RBMS3: variants seen among roughly 807,000 people sequenced by gnomAD.
RBMS3 encodes the protein RNA-binding motif, single-stranded-interacting protein 3.
Under a neutral mutation model 66.8 loss-of-function variants are expected in RBMS3, and 27 were observed. The ratio of observed to expected loss-of-function variants is 0.40; its 90% confidence interval spans 0.30 to 0.56. RBMS3 has a LOEUF of 0.56. Ranked by LOEUF, RBMS3 falls within the 20% of genes least tolerant of loss-of-function variation. RBMS3 has a pLI of 0.40. For missense variants in RBMS3, 513 were observed against 549.5 expected (o/e 0.93, Z 0.66); for synonymous variants, 188 against 183.0 (o/e 1.03, Z -0.22).
At chr3:29,749,061 G>T (rs1267404397) in intron 5 of RBMS3, among the ~76,000 whole-genome samples, 1 of 152,058 alleles carries the variant, frequency 6.6e-6, no homozygotes, top group Non-Finnish European at 1.5e-5. Flanking sequence ...CTCAGAAGCA[G>T]TAAAACAGTG....
chr3:29,691,093 T>G (rs1275585218), intron 4 of RBMS3, among the ~76,000 whole-genome samples: 1 of 152,228 alleles, frequency 6.6e-6, no homozygotes, highest in Non-Finnish European at 1.5e-5. Flanking sequence ...TTCAGCAAGT[T>G]TAACTCCATG....
chr3:29,874,031 A>G, intron 7 of RBMS3, among the ~76,000 whole-genome samples: 1 of 152,142 alleles, frequency 6.6e-6, no homozygotes, highest in East Asian at 1.9e-4. Context: ...CTTAGAAGTG[A>G]GGGACAGAAG....
intron 12 of RBMS3, among the ~76,000 whole-genome samples, chr3:29,960,083 T>C (rs1696323554): frequency 6.6e-6 from 1 of 152,060 alleles, no homozygotes; most frequent in African/African-American, 2.4e-5. Flanking sequence ...ATCCAAAGTC[T>C]CATCAGAGAC....
intron 1 of RBMS3, among the ~76,000 whole-genome samples, chr3:29,323,553 T>A (rs111547846): frequency 2.2e-3 from 337 of 152,132 alleles, no homozygotes; most frequent in African/African-American, 7.9e-3. Context: ...CCAGCACACA[T>A]AGTAAAATTA....
chr3:29,940,432 G>C (rs2061364201), intron 11 of RBMS3, among the ~76,000 whole-genome samples: 1 of 151,874 alleles, frequency 6.6e-6, no homozygotes, highest in Non-Finnish European at 1.5e-5. Flanking sequence ...TCCAAGGGCA[G>C]AGCAGAGAGC....
At chr3:29,753,287 C>T (rs909887120) in intron 5 of RBMS3, among the ~76,000 whole-genome samples, 2 of 152,122 alleles carry the variant, frequency 1.3e-5, no homozygotes, top group African/African-American at 4.8e-5. Flanking sequence ...CATTGAATCC[C>T]GGGTCCCCCA....
intron 10 of RBMS3, among the ~76,000 whole-genome samples, chr3:29,922,535 C>T (rs1009946662): frequency 6.6e-6 from 1 of 150,780 alleles, no homozygotes; most frequent in Non-Finnish European, 1.5e-5. Context: ...AGAAACTCAG[C>T]ATTCGTGAAT....
intron 1 of RBMS3, among the ~76,000 whole-genome samples, chr3:29,399,577 C>T (rs138843121): frequency 3.3e-5 from 5 of 152,250 alleles, no homozygotes; most frequent in East Asian, 1.9e-4. Flanking sequence ...AAATAGCTGC[C>T]GAACTTCCAG....
chr3:29,386,189 T>C (rs1052444266), intron 1 of RBMS3, among the ~76,000 whole-genome samples: 1 of 151,940 alleles, frequency 6.6e-6, no homozygotes, highest in Non-Finnish European at 1.5e-5. Flanking sequence ...AAACACTCTA[T>C]CCTGCTTAAC....
intron 4 of RBMS3, among the ~76,000 whole-genome samples, chr3:29,634,247 G>T (rs1244416361): frequency 6.6e-6 from 1 of 151,814 alleles, no homozygotes; most frequent in Non-Finnish European, 1.5e-5. Context: ...CATTAAAATT[G>T]CTTTCATATG....
chr3:29,979,116 G>A (rs1012413325), intron 12 of RBMS3, among the ~76,000 whole-genome samples: 4 of 151,990 alleles, frequency 2.6e-5, no homozygotes, highest in African/African-American at 4.8e-5. Flanking sequence ...TGGGCCACAT[G>A]AGCAAGACTG....
chr3:29,662,951 G>A (rs942134176), intron 4 of RBMS3, among the ~76,000 whole-genome samples: 1 of 152,126 alleles, frequency 6.6e-6, no homozygotes, highest in Non-Finnish European at 1.5e-5. Flanking sequence ...GGGGATTTTT[G>A]GTGTAAATGT....
intron 10 of RBMS3, among the ~76,000 whole-genome samples, chr3:29,934,721 C>T (rs895664763): frequency 2.0e-5 from 3 of 152,034 alleles, no homozygotes; most frequent in Admixed American, 2.0e-4. Context: ...GCCTAAATGT[C>T]TTTGTGAACA....
intron 6 of RBMS3, among the ~76,000 whole-genome samples, chr3:29,764,122 A>T (rs200359100): frequency 1.8e-5 from 2 of 113,882 alleles, no homozygotes; most frequent in African/African-American, 7.9e-5. Flanking sequence ...TGCTTTTTTT[A>T]AGGGGGGATG....
At chr3:29,910,617 C>T (rs1196287268) in intron 10 of RBMS3, among the ~76,000 whole-genome samples, 4 of 151,886 alleles carry the variant, frequency 2.6e-5, no homozygotes, top group Non-Finnish European at 5.9e-5. Context: ...GTTATTTCTA[C>T]CTAGGTGCTA....
At chr3:29,763,741 GT>G (rs925149553) in intron 6 of RBMS3, among the ~76,000 whole-genome samples, 1 of 152,004 alleles carries the variant, frequency 6.6e-6, no homozygotes. Flanking sequence ...TATGTGGAAG[GT>G]TTTAATATTA....
At chr3:29,550,667 T>C (rs1449817472) in intron 3 of RBMS3, among the ~76,000 whole-genome samples, 1 of 152,180 alleles carries the variant, frequency 6.6e-6, no homozygotes, top group East Asian at 1.9e-4. Flanking sequence ...ATAAATCTGT[T>C]TCATGCAATA....
At chr3:29,936,243 T>C (rs2061262827) in intron 11 of RBMS3, 47 bp downstream of exon 11, 1 of 1,527,680 alleles carries the variant, frequency 6.5e-7, no homozygotes, top group African/African-American at 1.4e-5. Flanking sequence ...TTTGATCAGA[T>C]GTGATATTCT....
chr3:29,396,736 A>G (rs1188684086), intron 1 of RBMS3, among the ~76,000 whole-genome samples: 4 of 152,288 alleles, frequency 2.6e-5, no homozygotes, highest in Admixed American at 6.5e-5. Context: ...TTTTCTTTGT[A>G]CTATTTATGC....
Sources: gnomAD v4.1 joint callset for allele counts (sites outside exome capture counted in the v4.1 genomes callset) on GRCh38, gnomAD v4.1.1 for gene constraint, MANE v1.5 for transcripts, NCBI Gene and HGNC (gene_info 2026-07-23, HGNC 2026-07-21) for gene names.